FSTL5: variants seen among roughly 807,000 people sequenced by gnomAD.
FSTL5 encodes the protein follistatin like 5, also known as follistatin-related protein 5.
Under a neutral mutation model 89.1 loss-of-function variants are expected in FSTL5, and 62 were observed. The ratio of observed to expected loss-of-function variants is 0.70; its 90% confidence interval spans 0.57 to 0.86. The LOEUF is 0.86. Among genes scored for constraint, FSTL5 ranks in the 40% least tolerant of loss-of-function variants. The probability of loss-of-function intolerance (pLI) is 0.00; values close to 1 mark genes in which losing one functional copy is unlikely to be tolerated. For missense variants in FSTL5, 1,057 were observed against 1,001.6 expected (o/e 1.06, Z -0.75); for synonymous variants, 383 against 346.2 (o/e 1.11, Z -1.18).
chr4:161,605,501 AC>A (rs1734407876), intron 7 of FSTL5, among the ~76,000 whole-genome samples: 1 of 152,178 alleles, frequency 6.6e-6, no homozygotes, highest in South Asian at 2.1e-4. Flanking sequence ...TTTCCCAAAA[AC>A]ATCTTAGAGT....
intron 3 of FSTL5, among the ~76,000 whole-genome samples, chr4:162,011,687 G>A (rs968880829): frequency 3.9e-5 from 6 of 152,060 alleles, no homozygotes; most frequent in African/African-American, 1.4e-4. Flanking sequence ...AGTAGAGACG[G>A]GGTTTCACCA....
intron 6 of FSTL5, among the ~76,000 whole-genome samples, chr4:161,703,936 T>C (rs1446513703): frequency 1.3e-5 from 2 of 152,124 alleles, no homozygotes; most frequent in Admixed American, 6.6e-5. Context: ...CTTTGTTTTA[T>C]CCAACATATA....
intron 13 of FSTL5, among the ~76,000 whole-genome samples, chr4:161,464,538 T>C (rs74633287): frequency 1.3e-5 from 2 of 152,198 alleles, no homozygotes; most frequent in Non-Finnish European, 2.9e-5. Flanking sequence ...ATATATGGCA[T>C]AGTTTGTATT....
intron 4 of FSTL5, among the ~76,000 whole-genome samples, chr4:161,919,409 G>A (rs1470137): frequency 0.89 from 135,748 of 152,018 alleles, 61,225 homozygotes; most frequent in Non-Finnish European, 0.96. Context: ...TTTAAATCAC[G>A]ATGGAAATAA....
chr4:161,552,983 C>T (rs1391393890), intron 8 of FSTL5, among the ~76,000 whole-genome samples: 1 of 151,404 alleles, frequency 6.6e-6, no homozygotes, highest in Admixed American at 6.6e-5. Flanking sequence ...CTATTGGCAA[C>T]ACATGAAAAA....
chr4:161,628,400 A>G lies in FSTL5; in HGVS notation c.894+27928T>C, dbSNP rs370458616. ...ATTAGTCTAAAGGTCTTAGATGGAT[A>G]TGTTACACTCCAACCAGAAATATGA... On this transcript the variant is annotated intron_variant, in intron 7 of 15. Coordinates refer to ENST00000306100, the MANE Select transcript of FSTL5 (RefSeq NM_020116.5). 7.9e-5 allele frequency among the ~76,000 whole-genome samples: 12 copies of G among 152,306 alleles called. No individual in the cohort carries two copies. In the East Asian group the frequency reaches 1.5e-3, roughly 20 times the overall value.
chr4:161,964,439 T>C (rs1247001819), intron 3 of FSTL5, among the ~76,000 whole-genome samples: 1 of 152,050 alleles, frequency 6.6e-6, no homozygotes, highest in East Asian at 1.9e-4. Flanking sequence ...CAAAATCACA[T>C]AGTGCAATGA....
intron 4 of FSTL5, among the ~76,000 whole-genome samples, chr4:161,899,842 G>A (rs1481351575): frequency 6.6e-6 from 1 of 152,158 alleles, no homozygotes; most frequent in Non-Finnish European, 1.5e-5. Flanking sequence ...GTAACCAGCA[G>A]TATCTCTGAA....
chr4:161,662,517 G>A (rs1209342860), intron 6 of FSTL5, among the ~76,000 whole-genome samples: 1 of 152,082 alleles, frequency 6.6e-6, no homozygotes, highest in Non-Finnish European at 1.5e-5. Flanking sequence ...ATAATTAAAT[G>A]TATGTACTTA....
At chr4:162,116,063 G>A (rs529418652) in intron 1 of FSTL5, among the ~76,000 whole-genome samples, 3 of 152,162 alleles carry the variant, frequency 2.0e-5, no homozygotes, top group Non-Finnish European at 2.9e-5. Flanking sequence ...TTGTTGCAGA[G>A]AGGTTAAGTA....
chr4:162,135,669 A>G (rs1732494645), intron 1 of FSTL5, among the ~76,000 whole-genome samples: 7 of 152,072 alleles, frequency 4.6e-5, no homozygotes, highest in Admixed American at 3.9e-4. Flanking sequence ...TTTGGGTATA[A>G]GGTATTTTAA....
At chr4:161,977,612 C>CAAAAAAAAA (rs796909244) in intron 3 of FSTL5, among the ~76,000 whole-genome samples, 29 of 95,124 alleles carry the variant, frequency 3.0e-4, no homozygotes, top group Non-Finnish European at 3.8e-4. Context: ...GACTCCGTGT[C>CAAAAAAAAA]AAAAAAAAAA....
At chr4:161,844,174 A>C (rs1310293979) in intron 4 of FSTL5, among the ~76,000 whole-genome samples, 1 of 152,226 alleles carries the variant, frequency 6.6e-6, no homozygotes, top group Non-Finnish European at 1.5e-5. Context: ...ATATGCAGCC[A>C]ATAAACATAT....
chr4:161,594,801 T>C (rs956946359), intron 7 of FSTL5, among the ~76,000 whole-genome samples: 5 of 151,900 alleles, frequency 3.3e-5, no homozygotes, highest in Non-Finnish European at 7.4e-5. Flanking sequence ...AACAGCATAT[T>C]TCAGTATATT....
chr4:161,967,589 T>A (rs10023861), intron 3 of FSTL5, among the ~76,000 whole-genome samples: 58 of 152,124 alleles, frequency 3.8e-4, no homozygotes, highest in African/African-American at 1.4e-3. Context: ...TGTTAAATGA[T>A]GTAAAGATAA....
intron 5 of FSTL5, among the ~76,000 whole-genome samples, chr4:161,770,876 C>T (rs1050929792): frequency 1.3e-5 from 2 of 151,818 alleles, no homozygotes; most frequent in South Asian, 2.1e-4. Context: ...TTACAGTGGT[C>T]GCAGAATGTC....
chr4:161,941,413 T>C (rs1010355357), intron 3 of FSTL5, among the ~76,000 whole-genome samples: 4 of 151,912 alleles, frequency 2.6e-5, no homozygotes, highest in South Asian at 4.2e-4. Context: ...TTGCCTTAGG[T>C]TGAAGTAAAA....
chr4:161,892,783 T>C (rs1037036687), intron 4 of FSTL5, among the ~76,000 whole-genome samples: 1 of 152,114 alleles, frequency 6.6e-6, no homozygotes, highest in Non-Finnish European at 1.5e-5. Flanking sequence ...ATATAGCAAG[T>C]GAATGTTCTT....
intron 6 of FSTL5, among the ~76,000 whole-genome samples, chr4:161,686,104 C>A (rs1469391060): frequency 1.3e-5 from 2 of 151,006 alleles, no homozygotes; most frequent in Non-Finnish European, 2.9e-5. Context: ...TGTATGAAAC[C>A]CACTTGATCA....
Sources: gnomAD v4.1 joint callset for allele counts (sites outside exome capture counted in the v4.1 genomes callset) on GRCh38, gnomAD v4.1.1 for gene constraint, MANE v1.5 for transcripts, NCBI Gene and HGNC (gene_info 2026-07-23, HGNC 2026-07-21) for gene names.